Variants in KIDINS220 observed in about 807,000 individuals in gnomAD.
KIDINS220 encodes the protein kinase D-interacting substrate of 220 kDa.
Under a neutral mutation model 157.6 loss-of-function variants are expected in KIDINS220, and 63 were observed. The observed-to-expected ratio is 0.40, with a 90% confidence interval of 0.33 to 0.49. The LOEUF (loss-of-function observed/expected upper bound fraction) is 0.49, where lower values mean the gene tolerates loss of function less well. Ranked by LOEUF, KIDINS220 falls within the 20% of genes least tolerant of loss-of-function variation. The pLI is 0.66. For synonymous variants in KIDINS220, 732 were observed against 783.6 expected, an observed-to-expected ratio of 0.93 and a Z score of 1.10; for missense variants, 1,772 against 2,171.2, an observed-to-expected ratio of 0.82 and a Z score of 3.65.
rs369707014 is a variant in KIDINS220, at chr2:8,826,384, G to A, written c.108+602C>T. On this transcript the variant is annotated intron_variant, in intron 2 of 29. Transcript: ENST00000256707. Reference sequence around the variant, plus strand: ...AGCACTTTGGGAGGCCAAGGTGGGCGGATCAACTGAGGTCGGGAGTTCAAG... The same window carrying A: ...AGCACTTTGGGAGGCCAAGGTGGGCAGATCAACTGAGGTCGGGAGTTCAAG... Among the ~76,000 whole-genome samples, 46 of 152,220 alleles carry A rather than the reference G, an allele frequency of 3.0e-4. No individual in the cohort carries two copies. In the East Asian group the frequency reaches 6.0e-3, roughly 20 times the overall value.
intron 1 of KIDINS220, among the ~76,000 whole-genome samples, chr2:8,830,948 C>T (rs140242240): frequency 6.8e-4 from 104 of 152,266 alleles, no homozygotes; most frequent in African/African-American, 2.4e-3. Context: ...ACTTCTACTA[C>T]ACCATCTCTC....
intron 6 of KIDINS220, among the ~76,000 whole-genome samples, chr2:8,809,817 T>C (rs1220289025): frequency 6.6e-6 from 1 of 152,050 alleles, no homozygotes; most frequent in African/African-American, 2.4e-5. Flanking sequence ...TCCCACCGTG[T>C]ACTATTAAAC....
chr2:8,783,541 C>G (rs1226705656), intron 17 of KIDINS220, among the ~76,000 whole-genome samples: 2 of 152,042 alleles, frequency 1.3e-5, no homozygotes, highest in African/African-American at 2.4e-5. Context: ...AGAAAACTGT[C>G]TTAGTTCACA....
intron 26 of KIDINS220, chr2:8,737,233 A>G: frequency 2.8e-6 from 1 of 358,456 alleles, no homozygotes; most frequent in South Asian, 6.1e-5. Flanking sequence ...TTTTTCTAAG[A>G]AAACAGAACA....
Position 8,776,891 on chromosome 2 carries a change from T to A in KIDINS220, c.2705A>T (p.Asp902Val). Residue 902 changes from aspartate (D) to valine (V), a missense_variant and splice_region_variant, in exon 21 of 30, where the codon GAC becomes GTC. Coordinates refer to ENST00000256707, the MANE Select transcript of KIDINS220 (RefSeq NM_020738.4). ...CTGCATCTGCCTTCTTCGGTAAGTG[T>A]CCTGAAACAGCACGTCGTCAGTGAG... Reference protein sequence around the residue: ...LGSKTALNRRDTYRRRQMQRT... With the variant: ...LGSKTALNRRVTYRRRQMQRT... 6.2e-7 allele frequency: 1 copy of A among 1,613,360 alleles called. No individual in the cohort carries two copies. Among genetic ancestry groups the A allele is most frequent in the Non-Finnish European group, 8.5e-7 (1 of 1,179,692 alleles).
intron 22 of KIDINS220, among the ~76,000 whole-genome samples, chr2:8,755,565 A>C (rs145348778): frequency 0.017 from 2,539 of 152,342 alleles, 33 homozygotes; most frequent in East Asian, 0.051. Context: ...CCTTTAAAAT[A>C]GAATAATTTT....
downstream of KIDINS220, chr2:8,727,309 C>G (rs1663422800): frequency 9.9e-7 from 1 of 1,010,966 alleles, no homozygotes; most frequent in African/African-American, 1.7e-5. Context: ...GATGCTCAGT[C>G]TGGAGTGCTG....
intron 24 of KIDINS220, among the ~76,000 whole-genome samples, chr2:8,749,697 T>C (rs977715104): frequency 2.0e-4 from 31 of 152,318 alleles, no homozygotes; most frequent in African/African-American, 7.2e-4. Flanking sequence ...CAAAGGTATA[T>C]TAAGTATAGG....
At chr2:8,788,582 C>G (rs537187919) in intron 15 of KIDINS220, 65 bp downstream of exon 15, 1 of 1,520,354 alleles carries the variant, frequency 6.6e-7, no homozygotes, top group African/African-American at 1.4e-5. Context: ...ATAAACTTTC[C>G]GAAGTGAAAA....
At chr2:8,743,040 A>C (rs1018536341) in intron 26 of KIDINS220, among the ~76,000 whole-genome samples, 1 of 152,156 alleles carries the variant, frequency 6.6e-6, no homozygotes, top group Non-Finnish European at 1.5e-5. Context: ...CTGGCCAGAC[A>C]CAGGGCCTCA....
intron 21 of KIDINS220, among the ~76,000 whole-genome samples, chr2:8,775,532 T>C (rs1670849016): frequency 6.6e-6 from 1 of 152,162 alleles, no homozygotes; most frequent in South Asian, 2.1e-4. Flanking sequence ...ACACCACTAA[T>C]GGGGTCAAAT....
chr2:8,730,155 CA>C lies in KIDINS220; in HGVS notation c.*564del. On this transcript the variant is annotated 3_prime_UTR_variant, in exon 30 of 30. Transcript: ENST00000256707. ...TGTTGGCAATTTTTAAAGCCCTCTT[CA>C]TTATGTACTTCCTACTCTTCAGAAC... is the stretch of plus-strand genomic sequence containing the variant. The C allele has an allele frequency of 2.0e-6, 2 of 985,878 alleles. No individual in the cohort carries two copies. Among genetic ancestry groups the C allele is most frequent in the Non-Finnish European group, 2.4e-6 (2 of 830,318 alleles). The allele number at this position is 985,878 out of a possible 1,614,324, so 61.1% of individuals were successfully genotyped here.
At chr2:8,744,643 T>C (rs1475085872) in intron 26 of KIDINS220, among the ~76,000 whole-genome samples, 3 of 148,356 alleles carry the variant, frequency 2.0e-5, no homozygotes, top group African/African-American at 7.5e-5. Flanking sequence ...AAACACAGAG[T>C]TTTCTGCTAC....
Position 8,788,632 on chromosome 2 carries a change from A to G in KIDINS220, c.1787+15T>C. On this transcript the variant is annotated intron_variant, in intron 15 of 29. Transcript: ENST00000256707. ...ATCTCATTGAAGATTTCTTCTGTCA[A>G]ATGGTACAACTCACCTCACAGGTAA... 1 of 1,601,064 alleles carries G rather than the reference A, an allele frequency of 6.2e-7. No individual in the cohort carries two copies. Among genetic ancestry groups the G allele is most frequent in the Non-Finnish European group, 8.5e-7 (1 of 1,175,610 alleles).
chr2:8,790,115 T>G (rs1297433867), intron 13 of KIDINS220, 56 bp from the exon 14 acceptor site: 5 of 1,480,232 alleles, frequency 3.4e-6, no homozygotes, highest in Non-Finnish European at 3.7e-6. Flanking sequence ...AAATACAACT[T>G]TTAACTCAAT....
downstream of KIDINS220, chr2:8,727,385 G>A: frequency 2.4e-6 from 1 of 419,678 alleles, no homozygotes; most frequent in Non-Finnish European, 3.2e-6. Flanking sequence ...ACTCGCCCAT[G>A]AAGGGGCACG....
intron 22 of KIDINS220, among the ~76,000 whole-genome samples, chr2:8,763,194 T>C (rs1669006405): frequency 6.6e-6 from 1 of 152,232 alleles, no homozygotes; most frequent in South Asian, 2.1e-4. Flanking sequence ...GACAGGCTCC[T>C]GGCCCCAAGA....
At chr2:8,775,794 T>C (rs1670885117) in intron 21 of KIDINS220, among the ~76,000 whole-genome samples, 1 of 152,136 alleles carries the variant, frequency 6.6e-6, no homozygotes. Flanking sequence ...TGTGTGTTGA[T>C]GGGAGTAATT....
At chr2:8,723,659 T>C (rs1057288527), downstream of KIDINS220, 1 of 152,244 alleles carries the variant, frequency 6.6e-6, no homozygotes, top group Admixed American at 6.5e-5. Context: ...TGAAGATAAC[T>C]AGCCTTGCTA....
Sources: gnomAD v4.1 joint callset for allele counts (sites outside exome capture counted in the v4.1 genomes callset) on GRCh38, gnomAD v4.1.1 for gene constraint, MANE v1.5 for transcripts, NCBI Gene and HGNC (gene_info 2026-07-23, HGNC 2026-07-21) for gene names.